The following ZNF138 variants were observed in gnomAD, a reference collection of about 807,000 sequenced individuals.
ZNF138 encodes zinc finger protein 138.
A neutral mutation model predicts 33.0 loss-of-function variants in ZNF138; 33 were observed. The observed-to-expected ratio is 1.00, with a 90% CI of 0.76 to 1.34. The LOEUF (loss-of-function observed/expected upper bound fraction) is 1.34. Ranked by LOEUF, ZNF138 falls within the 40% of genes most tolerant of loss-of-function variation. The pLI is 0.00. For missense variants in ZNF138, 360 were observed against 370.8 expected (o/e 0.97, Z 0.24); for synonymous variants, 139 against 120.4 (o/e 1.15, Z -1.01).
At chr7:64,819,699 CT>C (rs1788957677) in intron 3 of ZNF138, among the ~76,000 whole-genome samples, 1 of 150,970 alleles carries the variant, frequency 6.6e-6, no homozygotes, top group Admixed American at 6.7e-5. Flanking sequence ...ATTTATAATT[CT>C]GTATTTTTCT....
chr7:64,794,633 A>G (rs1433915283), intron 1 of ZNF138, 62 bp downstream of exon 1: 25 of 1,610,838 alleles, frequency 1.6e-5, no homozygotes, highest in Non-Finnish European at 2.1e-5. Flanking sequence ...ACCGGTCGGA[A>G]GTGGCTGTGG....
chr7:64,852,826 A>C, the ZNF138 span: 1 of 840,910 alleles, frequency 1.2e-6, no homozygotes. Flanking sequence ...GCTGACAGAC[A>C]GTGGTAGTGA....
chr7:64,811,546 A>G (rs1286168003), intron 1 of ZNF138, among the ~76,000 whole-genome samples: 5 of 152,132 alleles, frequency 3.3e-5, no homozygotes, highest in Non-Finnish European at 5.9e-5. Context: ...GGGTTTCACC[A>G]TGTTGGCCAG....
intron 1 of ZNF138, among the ~76,000 whole-genome samples, chr7:64,796,333 AG>A (rs770900983): frequency 6.6e-6 from 1 of 152,208 alleles, no homozygotes; most frequent in African/African-American, 2.4e-5. Context: ...TTAAGTGAGC[AG>A]GATGGGGTGG....
At chr7:64,853,736 G>T in the ZNF138 span, among the ~76,000 whole-genome samples, 1 of 151,214 alleles carries the variant, frequency 6.6e-6, no homozygotes, top group Non-Finnish European at 1.5e-5. Flanking sequence ...TCGTTAATTT[G>T]TACTGAGCAT....
intron 3 of ZNF138, among the ~76,000 whole-genome samples, chr7:64,819,933 C>T (rs994154917): frequency 6.7e-6 from 1 of 149,942 alleles, no homozygotes; most frequent in African/African-American, 2.5e-5. Context: ...AATAGCCAGG[C>T]ATGGTCTTGT....
the ZNF138 span, among the ~76,000 whole-genome samples, chr7:64,854,301 C>T: frequency 2.8e-4 from 43 of 152,242 alleles, no homozygotes; most frequent in South Asian, 3.9e-3. Flanking sequence ...AGTGCAGTGA[C>T]GTGATCTCAG....
At chr7:64,806,514 T>G (rs918440386) in intron 1 of ZNF138, among the ~76,000 whole-genome samples, 3 of 152,202 alleles carry the variant, frequency 2.0e-5, no homozygotes, top group Admixed American at 1.3e-4. Flanking sequence ...CTGCTGCTAC[T>G]CCACCCATCC....
the ZNF138 span, chr7:64,852,542 T>C: frequency 6.4e-7 from 1 of 1,570,222 alleles, no homozygotes; most frequent in Non-Finnish European, 8.8e-7. Context: ...TTCACCATAT[T>C]TGGGGGACTT....
chr7:64,804,682 G>A (rs1376437844), intron 1 of ZNF138, among the ~76,000 whole-genome samples: 1 of 152,196 alleles, frequency 6.6e-6, no homozygotes, highest in East Asian at 1.9e-4. Flanking sequence ...TCCAGAGGCT[G>A]AGGCACAAGA....
At chr7:64,852,022 T>C in the ZNF138 span, among the ~76,000 whole-genome samples, 2 of 152,202 alleles carry the variant, frequency 1.3e-5, no homozygotes, top group African/African-American at 2.4e-5. Flanking sequence ...ATAATAAATA[T>C]ACATAAAATG....
chr7:64,823,155 C>T (rs896493412), intron 3 of ZNF138, among the ~76,000 whole-genome samples: 2 of 152,178 alleles, frequency 1.3e-5, no homozygotes, highest in Admixed American at 1.3e-4. Context: ...GCTGGGATTA[C>T]AGGCATGAGC....
At chr7:64,831,217 C>G (rs984324533) in intron 3 of ZNF138, 20 of 1,231,226 alleles carry the variant, frequency 1.6e-5, no homozygotes, top group Middle Eastern at 2.2e-4. Context: ...TTCTGTGTGG[C>G]TCTTTGCATT....
chr7:64,830,317 T>G (rs972974403), intron 3 of ZNF138, among the ~76,000 whole-genome samples: 5 of 152,186 alleles, frequency 3.3e-5, no homozygotes, highest in African/African-American at 4.8e-5. Flanking sequence ...ATTTCAGTTA[T>G]TTTTTGTATT....
At chr7:64,821,600 G>A (rs1789150817) in intron 3 of ZNF138, among the ~76,000 whole-genome samples, 1 of 151,444 alleles carries the variant, frequency 6.6e-6, no homozygotes, top group Non-Finnish European at 1.5e-5. Context: ...AGGCTAGAGT[G>A]CAGTGGCATG....
At chr7:64,809,461 T>C (rs1583813472) in intron 1 of ZNF138, among the ~76,000 whole-genome samples, 1 of 16,388 alleles carries the variant, frequency 6.1e-5, no homozygotes. Flanking sequence ...TGAACCTCCC[T>C]CCCGGATGGG....
At chr7:64,810,915 A>G (rs929273658) in intron 1 of ZNF138, among the ~76,000 whole-genome samples, 4 of 151,594 alleles carry the variant, frequency 2.6e-5, no homozygotes, top group Admixed American at 2.6e-4. Flanking sequence ...TAAAGTATGT[A>G]TTTTAGGGTC....
intron 1 of ZNF138, among the ~76,000 whole-genome samples, chr7:64,807,528 G>T (rs1787709670): frequency 6.6e-6 from 1 of 152,088 alleles, no homozygotes; most frequent in Non-Finnish European, 1.5e-5. Flanking sequence ...CTGTATGAGG[G>T]GATCTCTCCT....
intron 1 of ZNF138, among the ~76,000 whole-genome samples, chr7:64,797,357 C>T (rs563328549): frequency 2.6e-5 from 4 of 152,160 alleles, no homozygotes; most frequent in Admixed American, 6.5e-5. Flanking sequence ...AGATATGTGA[C>T]GTAAGTGCTT....
Sources: allele counts gnomAD v4.1 joint callset (sites outside exome capture counted in the v4.1 genomes callset), GRCh38; gene constraint gnomAD v4.1.1; transcripts MANE v1.5; gene names NCBI Gene and HGNC (gene_info 2026-07-23, HGNC 2026-07-21).